Variants in BCAS3 observed in about 807,000 individuals in gnomAD.
BCAS3 encodes the protein BCAS3 microtubule associated cell migration factor.
A neutral mutation model predicts 116.1 loss-of-function variants in BCAS3; 53 were observed. That is an observed-to-expected ratio of 0.46 (90% CI 0.37 to 0.57). BCAS3 has a LOEUF of 0.57. Ranked by LOEUF, BCAS3 falls within the 20% of genes least tolerant of loss-of-function variation. BCAS3 has a pLI of 0.00. For missense variants in BCAS3, 917 were observed against 1,165.4 expected (o/e 0.79, Z 3.10); for synonymous variants, 391 against 408.2 (o/e 0.96, Z 0.51).
At chr17:60,733,819 C>A (rs1361607703) in intron 5 of BCAS3, among the ~76,000 whole-genome samples, 2 of 152,086 alleles carry the variant, frequency 1.3e-5, no homozygotes, top group Non-Finnish European at 1.5e-5. Flanking sequence ...TGCACTCCAG[C>A]CTGGGTGACA....
At chr17:60,723,295 G>A (rs987253203) in intron 5 of BCAS3, among the ~76,000 whole-genome samples, 4 of 151,840 alleles carry the variant, frequency 2.6e-5, no homozygotes, top group Middle Eastern at 3.2e-3. Context: ...GCGTGATTTC[G>A]CCCACTGCAA....
intron 22 of BCAS3, among the ~76,000 whole-genome samples, chr17:61,268,613 C>T (rs1186082899): frequency 1.3e-5 from 2 of 151,836 alleles, no homozygotes; most frequent in South Asian, 2.1e-4. Context: ...GACACAGCCT[C>T]ATTCTGTCGC....
chr17:60,975,703 T>C (rs2062299034), intron 14 of BCAS3, among the ~76,000 whole-genome samples: 1 of 152,194 alleles, frequency 6.6e-6, no homozygotes, highest in Non-Finnish European at 1.5e-5. Context: ...TCCATCCCCC[T>C]CTCCCTGCTC....
chr17:61,137,864 T>C (rs1409743125), intron 22 of BCAS3, among the ~76,000 whole-genome samples: 1 of 152,206 alleles, frequency 6.6e-6, no homozygotes, highest in Admixed American at 6.5e-5. Context: ...GTGGGAGTTG[T>C]TGTTTTGGTT....
chr17:60,887,623 A>G (rs1049490566), intron 9 of BCAS3, among the ~76,000 whole-genome samples: 6 of 152,100 alleles, frequency 3.9e-5, no homozygotes, highest in African/African-American at 1.2e-4. Context: ...TTCACCATTG[A>G]CTTGTCTTGG....
chr17:61,072,604 G>C (rs373933019), intron 19 of BCAS3, among the ~76,000 whole-genome samples: 1 of 149,630 alleles, frequency 6.7e-6, no homozygotes, highest in African/African-American at 2.5e-5. Flanking sequence ...AGCTAGTTAC[G>C]TAAGGCATGG....
At chr17:60,817,604 T>C (rs1297428855) in intron 7 of BCAS3, among the ~76,000 whole-genome samples, 4 of 152,194 alleles carry the variant, frequency 2.6e-5, no homozygotes, top group African/African-American at 7.2e-5. Context: ...AGAGGTTAAA[T>C]GTTTGTCCAG....
At chr17:60,966,595 A>T (rs927052004) in intron 14 of BCAS3, among the ~76,000 whole-genome samples, 2 of 152,166 alleles carry the variant, frequency 1.3e-5, no homozygotes, top group African/African-American at 4.8e-5. Context: ...CACAAATAGA[A>T]GAGTAGAAAC....
intron 20 of BCAS3, 92 bp downstream of exon 20, chr17:61,075,112 G>C: frequency 2.1e-6 from 2 of 949,072 alleles, no homozygotes; most frequent in Admixed American, 2.4e-5. Flanking sequence ...GGGGAGAATT[G>C]GTAACTCTTT....
At position 61,217,224 on chromosome 17, in the gene BCAS3, A is replaced by G. The variant is rs972423740; in HGVS notation, c.2425+132660A>G. 6.6e-6 allele frequency among the ~76,000 whole-genome samples: 1 copy of G among 152,220 alleles called. No homozygotes were observed. The highest frequency in any genetic ancestry group is 1.5e-5 in the Non-Finnish European group (1 of 68,042). On this transcript the variant is annotated intron_variant, in intron 22 of 23. Coordinates refer to ENST00000407086, the MANE Select transcript of BCAS3 (RefSeq NM_017679.5). The surrounding 1 kb of genome is among the most constrained non-coding windows in gnomAD (Gnocchi z 5.2). ...CTTGAACCCAGGAGGCGGAGGTTGC[A>G]GTGAGCTGAGATCGTGCCACTGCAC... is the stretch of plus-strand genomic sequence containing the variant.
At chr17:60,840,241 ATTC>A (rs2051775177) in intron 7 of BCAS3, among the ~76,000 whole-genome samples, 1 of 152,144 alleles carries the variant, frequency 6.6e-6, no homozygotes, top group Non-Finnish European at 1.5e-5. Context: ...ATTATTTGTA[ATTC>A]TTGTTTTTCA....
intron 3 of BCAS3, among the ~76,000 whole-genome samples, chr17:60,686,368 T>A (rs1347233049): frequency 6.6e-6 from 1 of 152,176 alleles, no homozygotes; most frequent in East Asian, 1.9e-4. Context: ...ATTCTCTGGG[T>A]CTGCAAATAT....
intron 5 of BCAS3, among the ~76,000 whole-genome samples, chr17:60,711,447 A>C (rs1047775266): frequency 6.6e-6 from 1 of 150,798 alleles, no homozygotes; most frequent in African/African-American, 2.5e-5. Context: ...TTGCTTCATT[A>C]TGCTGTTTGT....
chr17:61,311,360 C>T (rs1040834827), intron 22 of BCAS3, among the ~76,000 whole-genome samples: 1 of 152,222 alleles, frequency 6.6e-6, no homozygotes, highest in Non-Finnish European at 1.5e-5. Flanking sequence ...ATTGGGGATT[C>T]TATGTGAGGG....
chr17:61,245,957 C>T (rs7212615), intron 22 of BCAS3, among the ~76,000 whole-genome samples: 124,614 of 152,106 alleles, frequency 0.82, 51,127 homozygotes, highest in East Asian at 0.9. Context: ...GGTCACCTCC[C>T]CTAACGTGAA....
At chr17:61,192,463 T>C (rs1838068823) in intron 22 of BCAS3, among the ~76,000 whole-genome samples, 1 of 152,110 alleles carries the variant, frequency 6.6e-6, no homozygotes, top group Non-Finnish European at 1.5e-5. Flanking sequence ...TTGAAGACCA[T>C]TGATTTTTAA....
rs2049053421 is a variant in BCAS3 at position 61,259,867 on chromosome 17, A to G, written c.2426-108460A>G. The stretch of plus-strand genomic sequence containing the variant: ...AAGGCATGTCACTCTGTGGCATCTT[A>G]CTGAATAGGATATGCTTTTTATTAC... On this transcript the variant is annotated intron_variant, in intron 22 of 23. Coordinates refer to ENST00000407086, the MANE Select transcript of BCAS3 (RefSeq NM_017679.5). This position sits in a 1 kb window ranked among gnomAD's most constrained non-coding sequence, Gnocchi z 4.7. 6.6e-6 allele frequency among the ~76,000 whole-genome samples: 1 copy of G among 152,210 alleles called. No individual in the cohort carries two copies. The highest frequency in any genetic ancestry group is 2.4e-5 in the African/African-American group (1 of 41,456).
At chr17:61,045,519 GA>G (rs1199989344) in intron 19 of BCAS3, among the ~76,000 whole-genome samples, 5,908 of 110,792 alleles carry the variant, frequency 0.053, 413 homozygotes, top group African/African-American at 0.17. Flanking sequence ...TCTTAAGAAA[GA>G]AAAAAAAAAA....
chr17:61,002,688 T>C (rs903142855), intron 15 of BCAS3: 3 of 152,162 alleles, frequency 2.0e-5, no homozygotes, highest in Admixed American at 1.3e-4. Context: ...GTGAATACCA[T>C]TGAATGAATA....
Sources: gnomAD v4.1 joint callset for allele counts (sites outside exome capture counted in the v4.1 genomes callset) on GRCh38, gnomAD v4.1.1 for gene constraint, Gnocchi (gnomAD v3.1) non-coding constraint, MANE v1.5 for transcripts, NCBI Gene and HGNC (gene_info 2026-07-23, HGNC 2026-07-21) for gene names.